SNX29: variants seen among roughly 807,000 people sequenced by gnomAD.
SNX29 encodes the protein sorting nexin 29, also known as sorting nexin-29.
SNX29 carries 78 observed loss-of-function variants against 102.1 expected under a neutral mutation model. That is an observed-to-expected ratio of 0.76 (90% CI 0.64 to 0.92). The LOEUF is 0.92. Ranked by LOEUF, SNX29 falls within the 40% of genes least tolerant of loss-of-function variation. The probability of loss-of-function intolerance (pLI) is 0.00; values close to 1 mark genes in which losing one functional copy is unlikely to be tolerated. For missense variants in SNX29, 1,280 were observed against 1,061.7 expected, an observed-to-expected ratio of 1.21 and a Z score of -2.86; for synonymous variants, 580 against 414.5, an observed-to-expected ratio of 1.40 and a Z score of -4.85.
chr16:12,301,402 C>T (rs975451087), intron 15 of SNX29, among the ~76,000 whole-genome samples: 1 of 152,186 alleles, frequency 6.6e-6, no homozygotes, highest in Non-Finnish European at 1.5e-5. Context: ...GGTTACTCCA[C>T]CCTCCAGGGT....
intron 15 of SNX29, among the ~76,000 whole-genome samples, chr16:12,292,455 C>T (rs183812300): frequency 5.3e-5 from 8 of 152,296 alleles, no homozygotes; most frequent in African/African-American, 1.2e-4. Context: ...ACCTTCCTCC[C>T]GTGGCCGCTC....
intron 18 of SNX29, among the ~76,000 whole-genome samples, chr16:12,406,015 A>T (rs2084146458): frequency 6.6e-6 from 1 of 152,036 alleles, no homozygotes; most frequent in Non-Finnish European, 1.5e-5. Flanking sequence ...CTGGGTGACA[A>T]GAATGAGACT....
intron 15 of SNX29, among the ~76,000 whole-genome samples, chr16:12,301,196 A>G (rs1456914987): frequency 1.3e-5 from 2 of 152,170 alleles, no homozygotes; most frequent in Admixed American, 6.5e-5. Flanking sequence ...ATTGTTTTCT[A>G]TCTGTGTTGC....
intron 15 of SNX29, among the ~76,000 whole-genome samples, chr16:12,348,042 T>C (rs938419555): frequency 1.3e-5 from 2 of 152,062 alleles, no homozygotes; most frequent in African/African-American, 4.8e-5. Flanking sequence ...TGCACCACTG[T>C]ACTCCAGCCT....
At chr16:12,003,694 C>G (rs1178038101) in intron 3 of SNX29, among the ~76,000 whole-genome samples, 1 of 152,138 alleles carries the variant, frequency 6.6e-6, no homozygotes, top group African/African-American at 2.4e-5. Flanking sequence ...ATCATTTGTT[C>G]CTTTTATGAC....
At chr16:12,462,952 T>A (rs954276016) in intron 18 of SNX29, among the ~76,000 whole-genome samples, 4 of 152,140 alleles carry the variant, frequency 2.6e-5, no homozygotes, top group Non-Finnish European at 5.9e-5. Context: ...GATCGCTGGA[T>A]CCCCCAGCAG....
At chr16:12,368,054 T>G (rs1240448776) in intron 16 of SNX29, among the ~76,000 whole-genome samples, 1 of 152,208 alleles carries the variant, frequency 6.6e-6, no homozygotes, top group African/African-American at 2.4e-5. Context: ...TTCATGCAGG[T>G]GCTTCTTGCA....
At chr16:12,419,502 C>A (rs1006343812) in intron 18 of SNX29, among the ~76,000 whole-genome samples, 1 of 152,096 alleles carries the variant, frequency 6.6e-6, no homozygotes, top group Non-Finnish European at 1.5e-5. Context: ...CATTGACTTG[C>A]CTGATGGAAA....
chr16:12,481,786 C>A (rs531563296), intron 19 of SNX29, among the ~76,000 whole-genome samples: 3 of 152,202 alleles, frequency 2.0e-5, no homozygotes, highest in African/African-American at 7.2e-5. Flanking sequence ...CCTCCCACCT[C>A]GGCCTCACAA....
intron 20 of SNX29, among the ~76,000 whole-genome samples, chr16:12,562,646 G>T (rs534676736): frequency 1.2e-4 from 18 of 152,264 alleles, no homozygotes; most frequent in Non-Finnish European, 1.8e-4. Context: ...TCCCTGAGGG[G>T]CTGTTTTATG....
chr16:12,229,240 T>C (rs1334330577), intron 14 of SNX29, among the ~76,000 whole-genome samples: 3 of 152,270 alleles, frequency 2.0e-5, no homozygotes, highest in Admixed American at 6.5e-5. Context: ...GTTTGTGTTA[T>C]TGGCCTCCAT....
At chr16:12,090,239 T>TA (rs1438153986) in intron 11 of SNX29, 1 of 152,364 alleles carries the variant, frequency 6.6e-6, no homozygotes, top group Non-Finnish European at 1.5e-5. Context: ...GGTCCAAACG[T>TA]ACTAGCTTAG....
Position 12,127,502 on chromosome 16 carries a change from A to T in SNX29, c.1466+806A>T, listed in dbSNP as rs185052721. 3.8e-3 allele frequency among the ~76,000 whole-genome samples: 563 copies of T among 148,972 alleles called. 1 individual carries two copies. Among genetic ancestry groups the T allele is most frequent in the Middle Eastern group, 0.017 (5 of 286 alleles). ...AGTGGCGCGATCTCTGCTCACTGCAACCTCCACCTCCCGGGCTCAAGTGAT... is the reference window on the plus strand; with the variant it reads ...AGTGGCGCGATCTCTGCTCACTGCATCCTCCACCTCCCGGGCTCAAGTGAT... On this transcript the variant is annotated intron_variant, in intron 12 of 20. Coordinates refer to ENST00000566228, the MANE Select transcript of SNX29 (RefSeq NM_032167.5).
intron 14 of SNX29, among the ~76,000 whole-genome samples, chr16:12,227,080 C>G (rs2077632373): frequency 1.3e-5 from 2 of 152,320 alleles, no homozygotes; most frequent in African/African-American, 4.8e-5. Context: ...AGGCTGGAGA[C>G]TCCCTGTTGG....
At chr16:12,509,307 C>T (rs964365143) in intron 19 of SNX29, among the ~76,000 whole-genome samples, 2 of 152,194 alleles carry the variant, frequency 1.3e-5, no homozygotes, top group African/African-American at 4.8e-5. Context: ...TGCCATCTGT[C>T]AGCCCAGCGA....
At chr16:12,416,768 A>G (rs1010921938) in intron 18 of SNX29, among the ~76,000 whole-genome samples, 3 of 152,102 alleles carry the variant, frequency 2.0e-5, no homozygotes, top group Non-Finnish European at 4.4e-5. Flanking sequence ...CTCTATCCCA[A>G]CCACCAGCCC....
At chr16:12,455,571 C>G (rs977035477) in intron 18 of SNX29, among the ~76,000 whole-genome samples, 1 of 152,270 alleles carries the variant, frequency 6.6e-6, no homozygotes, top group Non-Finnish European at 1.5e-5. Flanking sequence ...CTACCTGTTT[C>G]TTCCTCTGTC....
intron 18 of SNX29, among the ~76,000 whole-genome samples, chr16:12,464,618 C>A (rs574547820): frequency 2.0e-5 from 3 of 152,054 alleles, no homozygotes; most frequent in African/African-American, 7.2e-5. Flanking sequence ...CCACACCTGG[C>A]TAATTTTTAA....
chr16:12,029,917 G>A (rs1484336043), intron 4 of SNX29, among the ~76,000 whole-genome samples: 2 of 147,146 alleles, frequency 1.4e-5, no homozygotes, highest in African/African-American at 2.5e-5. Flanking sequence ...TTTAATCACT[G>A]ATATATCATC....
Sources: gnomAD v4.1 joint callset for allele counts (sites outside exome capture counted in the v4.1 genomes callset) on GRCh38, gnomAD v4.1.1 for gene constraint, MANE v1.5 for transcripts, NCBI Gene and HGNC (gene_info 2026-07-23, HGNC 2026-07-21) for gene names.